The following UNC5D variants were observed in gnomAD, a reference collection of about 807,000 sequenced individuals.
The protein encoded by UNC5D is unc-5 netrin receptor D.
In UNC5D, 39 loss-of-function variants were observed where a neutral mutation model predicts 105.4. The observed-to-expected ratio is 0.37, with a 90% CI of 0.29 to 0.48. The LOEUF is 0.48. Ranked by LOEUF, UNC5D falls within the 20% of genes least tolerant of loss-of-function variation. The pLI, the probability that UNC5D is intolerant of heterozygous loss-of-function variation, is 0.98. For missense variants in UNC5D, 991 were observed against 1,202.4 expected, an observed-to-expected ratio of 0.82 and a Z score of 2.60; for synonymous variants, 452 against 450.4, an observed-to-expected ratio of 1.00 and a Z score of -0.04.
At chr8:35,629,913 T>A (rs1821935227) in intron 4 of UNC5D, among the ~76,000 whole-genome samples, 2 of 152,206 alleles carry the variant, frequency 1.3e-5, no homozygotes, top group Non-Finnish European at 2.9e-5. Context: ...AAAGTTGTAT[T>A]GTAACTTACG....
chr8:35,688,908 G>A (rs1231797829), intron 7 of UNC5D, among the ~76,000 whole-genome samples: 1 of 152,202 alleles, frequency 6.6e-6, no homozygotes, highest in African/African-American at 2.4e-5. Flanking sequence ...GTGGCTTCAA[G>A]GAAAGAACTA....
At chr8:35,780,090 A>G (rs957262516) in intron 16 of UNC5D, among the ~76,000 whole-genome samples, 3 of 152,202 alleles carry the variant, frequency 2.0e-5, no homozygotes, top group Admixed American at 6.5e-5. Context: ...AAGGATTCCA[A>G]AATGGAAAGC....
At chr8:35,771,043 A>G (rs919068157) in intron 15 of UNC5D, among the ~76,000 whole-genome samples, 1 of 152,252 alleles carries the variant, frequency 6.6e-6, no homozygotes, top group African/African-American at 2.4e-5. Flanking sequence ...TAAATGTTAC[A>G]TAAAGTGTCA....
chr8:35,468,900 G>C (rs1287035857), intron 1 of UNC5D, among the ~76,000 whole-genome samples: 1 of 152,194 alleles, frequency 6.6e-6, no homozygotes, highest in Non-Finnish European at 1.5e-5. Flanking sequence ...AGAAAACTGA[G>C]GGTGTGGGAG....
At chr8:35,772,403 T>C (rs2131732561) in intron 15 of UNC5D, among the ~76,000 whole-genome samples, 1 of 152,340 alleles carries the variant, frequency 6.6e-6, no homozygotes, top group East Asian at 1.9e-4. Context: ...AGAACTCTAT[T>C]TTCAACCTAC....
chr8:35,271,757 A>AGG (rs1805415324), intron 1 of UNC5D, among the ~76,000 whole-genome samples: 1 of 117,844 alleles, frequency 8.5e-6, no homozygotes, highest in African/African-American at 3.2e-5. Flanking sequence ...ACATGTATAC[A>AGG]TGTATACATA....
chr8:35,556,066 G>A (rs1198073959), intron 2 of UNC5D, among the ~76,000 whole-genome samples: 6 of 152,120 alleles, frequency 3.9e-5, no homozygotes, highest in South Asian at 2.1e-4. Context: ...TGGTTCCTCC[G>A]TGTGTAAAAT....
chr8:35,622,393 A>G (rs2978576), intron 4 of UNC5D, among the ~76,000 whole-genome samples: 17,671 of 152,118 alleles, frequency 0.12, 1,121 homozygotes, highest in African/African-American at 0.17. Flanking sequence ...TGAGAGGGAG[A>G]CATTATTTAT....
At chr8:35,414,172 A>T (rs1805387137) in intron 1 of UNC5D, among the ~76,000 whole-genome samples, 1 of 152,150 alleles carries the variant, frequency 6.6e-6, no homozygotes, top group Admixed American at 6.6e-5. Context: ...CAAGATAGGA[A>T]CAAATAACAT....
intron 1 of UNC5D, among the ~76,000 whole-genome samples, chr8:35,420,742 CT>C (rs11463747): frequency 0.011 from 1,698 of 148,988 alleles, 26 homozygotes; most frequent in Middle Eastern, 0.032. Context: ...ATACCATGGG[CT>C]TTTTTTTTTG....
chr8:35,702,706 A>G (rs1245175038), intron 7 of UNC5D, among the ~76,000 whole-genome samples: 2 of 152,200 alleles, frequency 1.3e-5, no homozygotes, highest in Non-Finnish European at 2.9e-5. Flanking sequence ...AATCTCGATC[A>G]GATATTTCCT....
At chr8:35,243,088 T>A (rs1239996209) in intron 1 of UNC5D, among the ~76,000 whole-genome samples, 1 of 152,104 alleles carries the variant, frequency 6.6e-6, no homozygotes, top group Non-Finnish European at 1.5e-5. Context: ...TTAATAAACC[T>A]GGGGAGGGGC....
intron 4 of UNC5D, among the ~76,000 whole-genome samples, chr8:35,644,494 G>A (rs757988643): frequency 1.3e-4 from 19 of 151,996 alleles, no homozygotes; most frequent in Non-Finnish European, 2.2e-4. Context: ...AAAGTTCATC[G>A]TAGTCCCAGA....
chr8:35,668,146 A>C (rs909015347), intron 4 of UNC5D, among the ~76,000 whole-genome samples: 1 of 152,122 alleles, frequency 6.6e-6, no homozygotes, highest in Non-Finnish European at 1.5e-5. Context: ...TCTCATTTTC[A>C]TATTCATTAT....
intron 1 of UNC5D, among the ~76,000 whole-genome samples, chr8:35,323,734 C>T (rs911135089): frequency 6.6e-6 from 1 of 152,114 alleles, no homozygotes; most frequent in Non-Finnish European, 1.5e-5. Context: ...GTTAATTGCT[C>T]AAGGTGCTAC....
intron 1 of UNC5D, among the ~76,000 whole-genome samples, chr8:35,245,318 A>G (rs2128804731): frequency 6.6e-6 from 1 of 152,246 alleles, no homozygotes; most frequent in East Asian, 1.9e-4. Flanking sequence ...CACAAAATAC[A>G]GTTCTTTGCC....
intron 1 of UNC5D, among the ~76,000 whole-genome samples, chr8:35,377,866 A>C (rs1202198634): frequency 2.6e-5 from 4 of 152,200 alleles, no homozygotes; most frequent in African/African-American, 9.7e-5. Flanking sequence ...GAGATAAGTC[A>C]TCAGTCTGTG....
At chr8:35,498,232 G>T (rs1811738474) in intron 1 of UNC5D, among the ~76,000 whole-genome samples, 1 of 151,830 alleles carries the variant, frequency 6.6e-6, no homozygotes, top group South Asian at 2.1e-4. Context: ...GTTTCCATTG[G>T]TATTATCATC....
chr8:35,686,642 TGGG>T lies in UNC5D; in HGVS notation c.1020_1022del (p.Gly341del). ...AGTGCACAGCACCACCCCCGAGAAA[TGGG>T]GGCAAATTCTGTGAAGGTCTAAGCC... On this transcript the variant is annotated inframe_deletion, in exon 7 of 17. Coordinates refer to ENST00000404895, the MANE Select transcript of UNC5D (RefSeq NM_080872.4). 1 of 1,601,714 alleles carries T rather than the reference TGGG, an allele frequency of 6.2e-7. No homozygotes were observed. The highest frequency in any genetic ancestry group is 8.5e-7 in the Non-Finnish European group (1 of 1,176,318).
Sources: gnomAD v4.1 joint callset for allele counts (sites outside exome capture counted in the v4.1 genomes callset) on GRCh38, gnomAD v4.1.1 for gene constraint, MANE v1.5 for transcripts, NCBI Gene and HGNC (gene_info 2026-07-23, HGNC 2026-07-21) for gene names.